Variants in KALRN observed in about 807,000 individuals in gnomAD.
KALRN encodes kalirin.
KALRN carries 70 observed loss-of-function variants against 353.7 expected under a neutral mutation model. The ratio of observed to expected loss-of-function variants is 0.20; its 90% confidence interval spans 0.16 to 0.24. The LOEUF (loss-of-function observed/expected upper bound fraction) is 0.24. Ranked by LOEUF, KALRN falls within the 10% of genes least tolerant of loss-of-function variation. The pLI, the probability that KALRN is intolerant of heterozygous loss-of-function variation, is 1.00. For synonymous variants in KALRN, 1,391 were observed against 1,434.8 expected (o/e 0.97, Z 0.69); for missense variants, 2,791 against 3,756.7 (o/e 0.74, Z 6.72).
intron 19 of KALRN, among the ~76,000 whole-genome samples, chr3:124,445,843 A>G (rs1193798653): frequency 6.6e-6 from 1 of 152,112 alleles, no homozygotes; most frequent in Non-Finnish European, 1.5e-5. Flanking sequence ...GCTTCTTAAG[A>G]TTTCTTAGAA....
At chr3:124,682,327 G>A (rs1023224743) in intron 51 of KALRN, among the ~76,000 whole-genome samples, 1 of 152,194 alleles carries the variant, frequency 6.6e-6, no homozygotes, top group Non-Finnish European at 1.5e-5. Context: ...ATGCTGCAAT[G>A]GGCGTTGTCT....
At position 124,247,827 on chromosome 3, in the gene KALRN, A is replaced by G. The variant is rs1363782923; in HGVS notation, c.263+12884A>G. Among the ~76,000 whole-genome samples, 6 of 152,146 alleles carry G rather than the reference A, an allele frequency of 3.9e-5. No individual in the cohort carries two copies. The East Asian group carries it at 1.2e-3, about 29-fold the overall frequency. ...GTTGCAGAGAATTTAGCTTGGGTGT[A>G]GGCACTCATCAGTTGCAGAAGATTT... On this transcript the variant is annotated intron_variant, in intron 3 of 59. Coordinates refer to ENST00000682506, the MANE Select transcript of KALRN (RefSeq NM_001388419.1).
At chr3:124,314,940 C>A (rs2078665255) in intron 6 of KALRN, among the ~76,000 whole-genome samples, 1 of 152,178 alleles carries the variant, frequency 6.6e-6, no homozygotes, top group South Asian at 2.1e-4. Flanking sequence ...TGTGAGCCAC[C>A]ATGCCCAGCC....
intron 34 of KALRN, among the ~76,000 whole-genome samples, chr3:124,569,988 G>T (rs1238767915): frequency 6.6e-6 from 1 of 152,202 alleles, no homozygotes; most frequent in Non-Finnish European, 1.5e-5. Flanking sequence ...AACCCCTGGT[G>T]CTGGCCCAGC....
intron 33 of KALRN, among the ~76,000 whole-genome samples, chr3:124,509,738 A>G (rs896880596): frequency 1.3e-5 from 2 of 152,240 alleles, no homozygotes; most frequent in African/African-American, 4.8e-5. Flanking sequence ...AAAGGTACTA[A>G]ATTTGTTGGT....
intron 25 of KALRN, among the ~76,000 whole-genome samples, chr3:124,471,836 G>C (rs917240264): frequency 6.6e-6 from 1 of 151,728 alleles, no homozygotes; most frequent in Non-Finnish European, 1.5e-5. Context: ...GCGTGGTGGC[G>C]GGCGCTTGCA....
chr3:124,416,784 G>A (rs572693748), intron 14 of KALRN, among the ~76,000 whole-genome samples: 1 of 152,344 alleles, frequency 6.6e-6, no homozygotes, highest in South Asian at 2.1e-4. Flanking sequence ...AATGGCTTGG[G>A]GATTTATAGT....
intron 1 of KALRN, among the ~76,000 whole-genome samples, chr3:124,102,627 T>G (rs1028096235): frequency 6.6e-6 from 1 of 152,232 alleles, no homozygotes; most frequent in Admixed American, 6.5e-5. Flanking sequence ...GTGCTTGTTT[T>G]CTGAATTTTT....
chr3:124,560,833 C>T (rs2071901326), intron 33 of KALRN, among the ~76,000 whole-genome samples: 1 of 152,178 alleles, frequency 6.6e-6, no homozygotes, highest in Non-Finnish European at 1.5e-5. Flanking sequence ...GCCAAGATTG[C>T]ACCACTGCAT....
chr3:124,101,352 T>A (rs1425440335), intron 1 of KALRN, among the ~76,000 whole-genome samples: 1 of 152,200 alleles, frequency 6.6e-6, no homozygotes, highest in Non-Finnish European at 1.5e-5. Context: ...AGGCATTAGG[T>A]GGGCATTGTC....
At chr3:124,628,592 TTTC>T (rs750461989) in intron 34 of KALRN, among the ~76,000 whole-genome samples, 5 of 149,924 alleles carry the variant, frequency 3.3e-5, no homozygotes, top group Non-Finnish European at 7.4e-5. Context: ...TCTCATTTCT[TTTC>T]TTCTTTCTCT....
chr3:124,170,438 C>T (rs556887385), intron 1 of KALRN, among the ~76,000 whole-genome samples: 2 of 152,188 alleles, frequency 1.3e-5, no homozygotes, highest in Non-Finnish European at 2.9e-5. Context: ...TCTTATCCAG[C>T]GTCACATGGC....
chr3:124,398,221 A>G (rs1409050188), intron 12 of KALRN, among the ~76,000 whole-genome samples: 1 of 152,206 alleles, frequency 6.6e-6, no homozygotes, highest in African/African-American at 2.4e-5. Context: ...CCATGACATC[A>G]TCTGTTTTAA....
intron 12 of KALRN, among the ~76,000 whole-genome samples, chr3:124,396,637 C>T (rs182720754): frequency 1.3e-4 from 20 of 152,344 alleles, no homozygotes; most frequent in Non-Finnish European, 1.5e-5. Context: ...GTTATCTATT[C>T]AAAAACTTTT....
intron 34 of KALRN, among the ~76,000 whole-genome samples, chr3:124,630,424 T>C (rs532985708): frequency 6.7e-6 from 1 of 149,180 alleles, no homozygotes; most frequent in South Asian, 2.1e-4. Context: ...TGAGATGGAG[T>C]CTCCCTCTGT....
chr3:124,385,709 T>C (rs1011966878), intron 11 of KALRN, among the ~76,000 whole-genome samples: 4 of 152,104 alleles, frequency 2.6e-5, no homozygotes, highest in African/African-American at 9.7e-5. Context: ...GGATAGATTA[T>C]GTTAAGCTGC....
intron 1 of KALRN, among the ~76,000 whole-genome samples, chr3:124,046,910 T>TC: frequency 1.3e-5 from 2 of 151,656 alleles, no homozygotes; most frequent in South Asian, 4.2e-4. Context: ...ATTTTTTTTT[T>TC]CAAAAAAGCT....
chr3:124,354,535 A>G (rs1359378544), intron 10 of KALRN, among the ~76,000 whole-genome samples: 1 of 152,230 alleles, frequency 6.6e-6, no homozygotes, highest in Non-Finnish European at 1.5e-5. Flanking sequence ...AAAATCAGAT[A>G]TATCAGGCTT....
chr3:124,243,314 G>A (rs1451086704), intron 3 of KALRN, among the ~76,000 whole-genome samples: 3 of 152,206 alleles, frequency 2.0e-5, no homozygotes, highest in Non-Finnish European at 4.4e-5. Context: ...GGGACAGGTT[G>A]TAGGGAGTGG....
Sources: allele counts gnomAD v4.1 joint callset (sites outside exome capture counted in the v4.1 genomes callset), GRCh38; gene constraint gnomAD v4.1.1; transcripts MANE v1.5; gene names NCBI Gene and HGNC (gene_info 2026-07-23, HGNC 2026-07-21).